Variants in CDKAL1 observed in about 807,000 individuals in gnomAD.
CDKAL1 encodes the protein CDKAL1 threonylcarbamoyladenosine tRNA methylthiotransferase, also known as threonylcarbamoyladenosine tRNA methylthiotransferase.
A neutral mutation model predicts 68.2 loss-of-function variants in CDKAL1; 32 were observed. The ratio of observed to expected loss-of-function variants is 0.47; its 90% CI spans 0.35 to 0.63. The LOEUF (loss-of-function observed/expected upper bound fraction) is 0.63. Among genes scored for constraint, CDKAL1 ranks in the 30% least tolerant of loss-of-function variants. The pLI is 0.00. For synonymous variants in CDKAL1, 234 were observed against 244.3 expected, an observed-to-expected ratio of 0.96 and a Z score of 0.39; for missense variants, 606 against 696.7, an observed-to-expected ratio of 0.87 and a Z score of 1.47.
intron 2 of CDKAL1, among the ~76,000 whole-genome samples, chr6:20,538,896 G>A (rs1763279367): frequency 1.3e-5 from 2 of 152,186 alleles, no homozygotes; most frequent in Non-Finnish European, 2.9e-5. Context: ...TATGTGTCAG[G>A]CATTGTTAGA....
At chr6:20,717,129 T>C (rs1298363309) in intron 5 of CDKAL1, among the ~76,000 whole-genome samples, 2 of 151,860 alleles carry the variant, frequency 1.3e-5, no homozygotes, top group Non-Finnish European at 2.9e-5. Context: ...ACAAGACTGA[T>C]TTGAGTGGGT....
At chr6:20,989,323 A>G (rs924325710) in intron 10 of CDKAL1, among the ~76,000 whole-genome samples, 1 of 152,152 alleles carries the variant, frequency 6.6e-6, no homozygotes, top group African/African-American at 2.4e-5. Context: ...AGATAGTTTG[A>G]TGTTTAGTAA....
intron 9 of CDKAL1, among the ~76,000 whole-genome samples, chr6:20,892,717 T>C (rs1024992371): frequency 6.6e-6 from 1 of 152,234 alleles, no homozygotes; most frequent in Non-Finnish European, 1.5e-5. Context: ...TAAGGAGTTT[T>C]TATTTACCTC....
chr6:21,087,832 A>G (rs1772780200), intron 12 of CDKAL1, among the ~76,000 whole-genome samples: 1 of 152,178 alleles, frequency 6.6e-6, no homozygotes, highest in African/African-American at 2.4e-5. Flanking sequence ...GAAAAAAAAC[A>G]AATTTGTCCA....
chr6:21,169,260 TA>T, intron 13 of CDKAL1, among the ~76,000 whole-genome samples: 1 of 152,336 alleles, frequency 6.6e-6, no homozygotes, highest in South Asian at 2.1e-4. Flanking sequence ...CTGTGTGATT[TA>T]AAAAGTGATG....
At chr6:21,223,436 C>G (rs1582447241) in intron 15 of CDKAL1, among the ~76,000 whole-genome samples, 1 of 152,238 alleles carries the variant, frequency 6.6e-6, no homozygotes. Flanking sequence ...TCTCTAAATA[C>G]TCCTTCTACT....
intron 8 of CDKAL1, among the ~76,000 whole-genome samples, chr6:20,810,041 C>G (rs193194989): frequency 2.6e-5 from 4 of 152,130 alleles, no homozygotes; most frequent in African/African-American, 9.7e-5. Flanking sequence ...TGGACAGCCC[C>G]GCAGACTGAT....
intron 5 of CDKAL1, among the ~76,000 whole-genome samples, chr6:20,716,678 G>A (rs1772111751): frequency 6.6e-6 from 1 of 151,880 alleles, no homozygotes; most frequent in African/African-American, 2.4e-5. Flanking sequence ...TGTTTTGTTT[G>A]GGGTGGGATG....
At chr6:21,024,827 TGTAA>T (rs923148866) in intron 11 of CDKAL1, among the ~76,000 whole-genome samples, 7 of 152,126 alleles carry the variant, frequency 4.6e-5, no homozygotes, top group African/African-American at 1.7e-4. Flanking sequence ...TCTTCCTCAC[TGTAA>T]GTGAGAGTGC....
At chr6:20,721,204 A>G (rs1439046765) in intron 5 of CDKAL1, among the ~76,000 whole-genome samples, 4 of 150,326 alleles carry the variant, frequency 2.7e-5, no homozygotes, top group Non-Finnish European at 3.0e-5. Context: ...AAGTGAGAAC[A>G]TGTGGTGTTT....
At chr6:20,544,142 A>G (rs1221592672) in intron 2 of CDKAL1, among the ~76,000 whole-genome samples, 4 of 152,178 alleles carry the variant, frequency 2.6e-5, no homozygotes, top group Admixed American at 6.5e-5. Context: ...TGCTTGCTCC[A>G]GCACGAATTG....
intron 6 of CDKAL1, among the ~76,000 whole-genome samples, chr6:20,758,035 C>G (rs1390815179): frequency 1.3e-5 from 2 of 152,038 alleles, no homozygotes; most frequent in African/African-American, 4.8e-5. Context: ...CCTCTGTGTT[C>G]CCATGGCAAA....
chr6:20,661,596 T>TA (rs5874779), intron 5 of CDKAL1, among the ~76,000 whole-genome samples: 102,195 of 145,432 alleles, frequency 0.7, 34,709 homozygotes, highest in South Asian at 0.73. Flanking sequence ...CTGGTTTACA[T>TA]AAAAAAAAAC....
intron 9 of CDKAL1, among the ~76,000 whole-genome samples, chr6:20,863,013 C>G (rs1018548228): frequency 1.3e-5 from 2 of 152,008 alleles, no homozygotes; most frequent in Non-Finnish European, 2.9e-5. Context: ...GCAACAAGAG[C>G]AAAACTCCGT....
intron 13 of CDKAL1, among the ~76,000 whole-genome samples, chr6:21,150,475 T>C (rs1286668415): frequency 1.3e-5 from 2 of 152,298 alleles, no homozygotes; most frequent in Admixed American, 6.5e-5. Context: ...AAATTTTCCC[T>C]GTGTGACCAA....
chr6:20,669,846 T>A (rs1226054836), intron 5 of CDKAL1, among the ~76,000 whole-genome samples: 1 of 152,180 alleles, frequency 6.6e-6, no homozygotes, highest in Non-Finnish European at 1.5e-5. Context: ...GCACTAGATA[T>A]GCTCATTGCT....
intron 9 of CDKAL1, among the ~76,000 whole-genome samples, chr6:20,898,685 A>G (rs1251749836): frequency 6.6e-6 from 1 of 152,166 alleles, no homozygotes. Context: ...TAAACCAAAC[A>G]TTACTTATGT....
At chr6:20,735,709 C>A (rs528552802) in intron 5 of CDKAL1, among the ~76,000 whole-genome samples, 12 of 152,256 alleles carry the variant, frequency 7.9e-5, no homozygotes, top group Non-Finnish European at 1.5e-4. Flanking sequence ...GTCACGAGAA[C>A]ATTGTCCCTG....
chr6:21,213,035 A>C (rs1308515777), intron 15 of CDKAL1, among the ~76,000 whole-genome samples: 1 of 152,208 alleles, frequency 6.6e-6, no homozygotes, highest in Non-Finnish European at 1.5e-5. Context: ...TTTCCCTTCC[A>C]CAGGCCCCTG....
Sources: allele counts gnomAD v4.1 joint callset (sites outside exome capture counted in the v4.1 genomes callset), GRCh38; gene constraint gnomAD v4.1.1; transcripts MANE v1.5; gene names NCBI Gene and HGNC (gene_info 2026-07-23, HGNC 2026-07-21).